The following NHSL1 variants were observed in gnomAD, a reference collection of about 807,000 sequenced individuals.
The protein encoded by NHSL1 is NHS-like protein 1.
Under a neutral mutation model 95.0 loss-of-function variants are expected in NHSL1, and 48 were observed. The observed-to-expected ratio is 0.51, with a 90% CI of 0.40 to 0.64. The LOEUF is 0.64. Ranked by LOEUF, NHSL1 falls within the 30% of genes least tolerant of loss-of-function variation. NHSL1 has a pLI of 0.00. For missense variants in NHSL1, 1,971 were observed against 2,077.7 expected (o/e 0.95, Z 1.00); for synonymous variants, 783 against 833.9 (o/e 0.94, Z 1.05).
intron 1 of NHSL1, among the ~76,000 whole-genome samples, chr6:138,507,511 A>G (rs1185715929): frequency 1.3e-5 from 2 of 152,240 alleles, no homozygotes; most frequent in African/African-American, 4.8e-5. Flanking sequence ...TCTTTTACAG[A>G]TAAGTGGAAA....
At chr6:138,619,343 A>G (rs1204466397) in intron 1 of NHSL1, among the ~76,000 whole-genome samples, 1 of 152,186 alleles carries the variant, frequency 6.6e-6, no homozygotes, top group Admixed American at 6.5e-5. Context: ...TGTCTCAAAA[A>G]AATAAAGTAT....
intron 1 of NHSL1, among the ~76,000 whole-genome samples, chr6:138,617,680 T>C (rs1784598939): frequency 6.6e-6 from 1 of 152,208 alleles, no homozygotes; most frequent in Non-Finnish European, 1.5e-5. Flanking sequence ...ACAATGAAGA[T>C]ACTAGACGAC....
chr6:138,655,295 G>A (rs528341637), intron 1 of NHSL1, among the ~76,000 whole-genome samples: 10 of 152,194 alleles, frequency 6.6e-5, no homozygotes, highest in African/African-American at 1.7e-4. Context: ...CCCTCTTCCC[G>A]CAGGACTTGT....
intron 1 of NHSL1, among the ~76,000 whole-genome samples, chr6:138,654,320 T>A (rs1785129067): frequency 6.6e-6 from 1 of 152,150 alleles, no homozygotes; most frequent in South Asian, 2.1e-4. Flanking sequence ...TGTGGGAAAA[T>A]GTGTATGCTG....
Position 138,424,774 on chromosome 6 carries a change from GTCA to G in NHSL1, c.4125_4127del (p.Asp1376del), listed in dbSNP as rs1775147849. 6.4e-7 allele frequency: 1 copy of G among 1,551,330 alleles called. No individual in the cohort carries two copies. Among genetic ancestry groups the G allele is most frequent in the African/African-American group, 1.4e-5 (1 of 73,108 alleles). On this transcript the variant is annotated inframe_deletion, in exon 8 of 8. Transcript: ENST00000343505. This position sits in a 1 kb window ranked among gnomAD's most constrained non-coding sequence, Gnocchi z 5.9. Reference sequence around the variant, plus strand: ...GGGAGGGAGAATGGTTTCGGGAGTGGTCATCATCTGAATCTCTACGGCCGAGGA... The same window carrying G: ...GGGAGGGAGAATGGTTTCGGGAGTGGTCATCTGAATCTCTACGGCCGAGGA...
At chr6:138,624,428 G>T (rs1055997617) in intron 1 of NHSL1, among the ~76,000 whole-genome samples, 2 of 152,052 alleles carry the variant, frequency 1.3e-5, no homozygotes, top group African/African-American at 4.8e-5. Flanking sequence ...GATGACTCTG[G>T]GTCACTGAGG....
chr6:138,644,870 T>G (rs2114692617), intron 1 of NHSL1, among the ~76,000 whole-genome samples: 1 of 152,352 alleles, frequency 6.6e-6, no homozygotes. Context: ...ACTTACTATC[T>G]ATAGGCACAG....
chr6:138,472,456 T>C (rs961597963), intron 3 of NHSL1, among the ~76,000 whole-genome samples: 3 of 151,918 alleles, frequency 2.0e-5, no homozygotes, highest in African/African-American at 7.2e-5. Context: ...TCTCTGAAGT[T>C]ACCTATTTGA....
intron 1 of NHSL1, among the ~76,000 whole-genome samples, chr6:138,518,912 G>A (rs1242505433): frequency 6.6e-6 from 1 of 152,132 alleles, no homozygotes; most frequent in African/African-American, 2.4e-5. Context: ...CAGCTACTCG[G>A]GAGGCTGAGG....
chr6:138,577,084 T>C (rs558425437), upstream of NHSL1, among the ~76,000 whole-genome samples: 3 of 152,326 alleles, frequency 2.0e-5, no homozygotes, highest in Non-Finnish European at 4.4e-5. Flanking sequence ...GTCAAAGGAA[T>C]AGACTGAATA....
Position 138,530,975 on chromosome 6 carries a change from A to AT in NHSL1, c.16+14647dup, listed in dbSNP as rs10706041. On this transcript the variant is annotated intron_variant, in intron 1 of 4. Transcript: ENST00000342260. ...TGACTATTGAAATAAAATTTAAAAT[A>AT]TTTTTTTTTTAAAAAAAAGGCCACA... Among the ~76,000 whole-genome samples the AT allele has an allele frequency of 2.7e-3, 409 of 150,430 alleles. 1 individual carries two copies. Among genetic ancestry groups the AT allele is most frequent in the African/African-American group, 3.2e-3 (132 of 40,970 alleles).
chr6:138,540,405 CAGATTTAAGA>C (rs1456610998), intron 1 of NHSL1, among the ~76,000 whole-genome samples: 1 of 152,142 alleles, frequency 6.6e-6, no homozygotes, highest in Non-Finnish European at 1.5e-5. Flanking sequence ...AGCTTATTAC[CAGATTTAAGA>C]AGGGGCTAGG....
At chr6:138,486,345 CCTT>C (rs1255332965) in intron 2 of NHSL1, among the ~76,000 whole-genome samples, 1 of 152,090 alleles carries the variant, frequency 6.6e-6, no homozygotes, top group Non-Finnish European at 1.5e-5. Flanking sequence ...TTATAAAAAT[CCTT>C]CTTATCTCAG....
At chr6:138,641,387 G>C (rs944837569) in intron 1 of NHSL1, among the ~76,000 whole-genome samples, 4 of 152,198 alleles carry the variant, frequency 2.6e-5, no homozygotes, top group Admixed American at 6.5e-5. Flanking sequence ...AACCATGTAA[G>C]AGGAAAGAAT....
In NHSL1 at chr6:138,655,240, T is replaced by A. The variant is rs113053956; in HGVS notation, c.96+37236A>T. ...AGTTTCATAAAAATACAATTAAAAATATGGAAATTAAACAATAACACTACC... is the reference window on the plus strand; with the variant it reads ...AGTTTCATAAAAATACAATTAAAAAAATGGAAATTAAACAATAACACTACC... On this transcript the variant is annotated intron_variant, in intron 1 of 3. Coordinates refer to the NHSL1 transcript ENST00000491526. Among the ~76,000 whole-genome samples the A allele has an allele frequency of 2.3e-3, 344 of 152,312 alleles. 4 individuals are homozygous for A. The highest frequency in any genetic ancestry group is 7.7e-3 in the African/African-American group (322 of 41,564).
chr6:138,556,300 GTAAA>G (rs1226107517), intron 1 of NHSL1, among the ~76,000 whole-genome samples: 3 of 152,082 alleles, frequency 2.0e-5, no homozygotes, highest in Non-Finnish European at 4.4e-5. Flanking sequence ...GAGTAACTAT[GTAAA>G]GTACCAAAAG....
chr6:138,585,692 T>G (rs1007310054), intron 1 of NHSL1, among the ~76,000 whole-genome samples: 2 of 151,570 alleles, frequency 1.3e-5, no homozygotes, highest in Admixed American at 6.6e-5. Flanking sequence ...CTCCATAAAA[T>G]ACACACCACT....
At chr6:138,425,068 C>CA (rs111941160) in intron 7 of NHSL1, among the ~76,000 whole-genome samples, 1,678 of 149,498 alleles carry the variant, frequency 0.011, 26 homozygotes, top group African/African-American at 0.038. Context: ...TATCTCTATT[C>CA]AAAAAAAAAG....
At chr6:138,610,655 C>T (rs1465430868) in intron 1 of NHSL1, among the ~76,000 whole-genome samples, 2 of 151,724 alleles carry the variant, frequency 1.3e-5, no homozygotes, top group Admixed American at 1.3e-4. Flanking sequence ...TCATCCTATC[C>T]CGATAGTTCC....
Sources: gnomAD v4.1 joint callset for allele counts (sites outside exome capture counted in the v4.1 genomes callset) on GRCh38, gnomAD v4.1.1 for gene constraint, Gnocchi (gnomAD v3.1) non-coding constraint, MANE v1.5 for transcripts, NCBI Gene and HGNC (gene_info 2026-07-23, HGNC 2026-07-21) for gene names.